The following PTPRD variants were observed in gnomAD, a reference collection of about 807,000 sequenced individuals.
The protein encoded by PTPRD is protein tyrosine phosphatase receptor type D.
PTPRD carries 34 observed loss-of-function variants against 214.5 expected under a neutral mutation model. The observed-to-expected ratio is 0.16, with a 90% CI of 0.12 to 0.21. The LOEUF (loss-of-function observed/expected upper bound fraction) is 0.21. Ranked by LOEUF, PTPRD falls within the 10% of genes least tolerant of loss-of-function variation. The pLI is 1.00. For missense variants in PTPRD, 2,545 were observed against 2,398.7 expected (o/e 1.06, Z -1.27); for synonymous variants, 1,128 against 845.7 (o/e 1.33, Z -5.79).
intron 3 of PTPRD, among the ~76,000 whole-genome samples, chr9:10,227,810 G>T (rs116015622): frequency 0.029 from 4,435 of 152,042 alleles, 200 homozygotes; most frequent in African/African-American, 0.1. Context: ...GAGAGTGAAT[G>T]AGAGAATGGG....
At chr9:9,291,468 T>C (rs1395220624) in intron 9 of PTPRD, among the ~76,000 whole-genome samples, 3 of 151,482 alleles carry the variant, frequency 2.0e-5, no homozygotes, top group African/African-American at 7.3e-5. Context: ...AACCTTTAGC[T>C]CTGAAAATTT....
intron 39 of PTPRD, among the ~76,000 whole-genome samples, chr9:8,344,937 C>G (rs979730081): frequency 2.1e-5 from 1 of 48,206 alleles, no homozygotes; most frequent in Non-Finnish European, 1.1e-4. Context: ...AAGGCAGTTA[C>G]TTTCTAGGTA....
intron 22 of PTPRD, 69 bp from the exon 23 acceptor site, chr9:8,504,474 T>A: frequency 6.5e-7 from 1 of 1,529,758 alleles, no homozygotes. Context: ...TCATACTGTC[T>A]GGACCATCAG....
intron 14 of PTPRD, among the ~76,000 whole-genome samples, chr9:8,564,988 T>A (rs1290931964): frequency 6.6e-6 from 1 of 152,166 alleles, no homozygotes; most frequent in Non-Finnish European, 1.5e-5. Flanking sequence ...CTCAGCAAAA[T>A]TTGTCTCTAG....
In PTPRD at chr9:9,707,862, T is replaced by C. The variant is rs1404814296; in HGVS notation, c.-287+26671A>G. Among the ~76,000 whole-genome samples the C allele has an allele frequency of 3.3e-5, 5 of 152,092 alleles. No homozygotes were observed. In the East Asian group the frequency reaches 9.7e-4, roughly 29 times the overall value. On this transcript the variant is annotated intron_variant, in intron 7 of 45. Transcript: ENST00000381196. ...ACACAATCAATGACTCCACCTGCTA[T>C]GTTTTGAAATTCCTTAGTCCTGTTA...
chr9:8,419,411 A>G (rs990328719), intron 35 of PTPRD, among the ~76,000 whole-genome samples: 11 of 152,164 alleles, frequency 7.2e-5, no homozygotes, highest in African/African-American at 2.6e-4. Context: ...AGTCTTATTT[A>G]CTCCATTTCA....
In PTPRD at chr9:8,542,858, A is replaced by G. The variant is rs374642146; in HGVS notation, c.353-14079T>C. Among the ~76,000 whole-genome samples, 13 of 152,364 alleles carry G rather than the reference A, an allele frequency of 8.5e-5. No individual in the cohort carries two copies. In the South Asian group the frequency reaches 1.2e-3, roughly 15 times the overall value. On this transcript the variant is annotated intron_variant, in intron 14 of 45. Transcript: ENST00000381196. ...CCAGAAGTTCCCTGGGAGCCAGTCT[A>G]GAATGGGTTGTAAATACCCATGGAT... is the stretch of plus-strand genomic sequence containing the variant.
intron 10 of PTPRD, among the ~76,000 whole-genome samples, chr9:9,137,810 A>G (rs933978170): frequency 2.6e-5 from 4 of 152,174 alleles, no homozygotes; most frequent in African/African-American, 9.7e-5. Flanking sequence ...TGCACAAGCC[A>G]CAAAGAGCAG....
chr9:10,059,600 C>A (rs1239028151), intron 3 of PTPRD, among the ~76,000 whole-genome samples: 1 of 151,988 alleles, frequency 6.6e-6, no homozygotes, highest in Non-Finnish European at 1.5e-5. Context: ...AGCATTTGAA[C>A]AGATTGTAAA....
intron 3 of PTPRD, among the ~76,000 whole-genome samples, chr9:10,179,662 C>G (rs1228572535): frequency 6.6e-6 from 1 of 151,874 alleles, no homozygotes; most frequent in East Asian, 1.9e-4. Context: ...GATGTGTTAC[C>G]TATATTCACC....
rs373880129 is a variant in PTPRD, at chr9:9,297,331, G to A, written c.-203+100118C>T. On this transcript the variant is annotated intron_variant, in intron 9 of 45. Transcript: ENST00000381196. ...ATACAGAGACAGAGATATGGTTTTGGGTCTTGCAAACATAATGAAGTAGAA... is the reference window on the plus strand; with the variant it reads ...ATACAGAGACAGAGATATGGTTTTGAGTCTTGCAAACATAATGAAGTAGAA... Among the ~76,000 whole-genome samples the A allele has an allele frequency of 1.7e-4, 26 of 151,482 alleles. No individual in the cohort carries two copies. In the East Asian group the frequency reaches 4.9e-3, roughly 29 times the overall value.
At chr9:9,812,227 G>C (rs1047204666) in intron 5 of PTPRD, among the ~76,000 whole-genome samples, 1 of 152,024 alleles carries the variant, frequency 6.6e-6, no homozygotes, top group African/African-American at 2.4e-5. Flanking sequence ...CAAAAATTTT[G>C]TATCACTCAC....
intron 3 of PTPRD, among the ~76,000 whole-genome samples, chr9:10,191,705 T>A (rs1389367063): frequency 6.6e-6 from 1 of 152,198 alleles, no homozygotes. Flanking sequence ...CTTCCTCTGA[T>A]AATCTTTCTA....
At chr9:9,798,491 A>G (rs1057510339) in intron 5 of PTPRD, among the ~76,000 whole-genome samples, 29 of 152,172 alleles carry the variant, frequency 1.9e-4, no homozygotes, top group Non-Finnish European at 3.7e-4. Flanking sequence ...CTTCAGACAT[A>G]AGGACGTTCC....
intron 10 of PTPRD, among the ~76,000 whole-genome samples, chr9:9,084,212 C>T (rs2099763526): frequency 6.6e-6 from 1 of 152,150 alleles, no homozygotes; most frequent in South Asian, 2.1e-4. Context: ...CCATGGAATA[C>T]TATGCAGCCA....
At chr9:8,567,350 TTC>T (rs1333145854) in intron 14 of PTPRD, among the ~76,000 whole-genome samples, 1 of 152,182 alleles carries the variant, frequency 6.6e-6, no homozygotes, top group Non-Finnish European at 1.5e-5. Flanking sequence ...AGGAGTCACT[TTC>T]TCCAAAATAA....
intron 4 of PTPRD, among the ~76,000 whole-genome samples, chr9:9,990,905 T>TA (rs1442037833): frequency 6.6e-6 from 1 of 151,340 alleles, no homozygotes; most frequent in African/African-American, 2.4e-5. Context: ...AATCAAAATG[T>TA]AAAATCTTCT....
chr9:9,234,318 C>G (rs938336141), intron 9 of PTPRD, among the ~76,000 whole-genome samples: 4 of 152,182 alleles, frequency 2.6e-5, no homozygotes, highest in Non-Finnish European at 5.9e-5. Flanking sequence ...GCACAGGGCA[C>G]CATGTCCTGA....
chr9:8,407,989 A>T (rs971797488), intron 35 of PTPRD, among the ~76,000 whole-genome samples: 1 of 152,246 alleles, frequency 6.6e-6, no homozygotes, highest in African/African-American at 2.4e-5. Flanking sequence ...GGTTGAGGAA[A>T]ATCAAATTTC....
Sources: allele counts gnomAD v4.1 joint callset (sites outside exome capture counted in the v4.1 genomes callset), GRCh38; gene constraint gnomAD v4.1.1; transcripts MANE v1.5; gene names NCBI Gene and HGNC (gene_info 2026-07-23, HGNC 2026-07-21).